ENG: variants seen among roughly 807,000 people sequenced by gnomAD.
The protein encoded by ENG is endoglin.
ENG carries 17 observed loss-of-function variants against 71.0 expected under a neutral mutation model. That is an observed-to-expected ratio of 0.24 (90% CI 0.16 to 0.36). The LOEUF (loss-of-function observed/expected upper bound fraction) is 0.36, where lower values mean the gene tolerates loss of function less well. Ranked by LOEUF, ENG falls within the 10% of genes least tolerant of loss-of-function variation. The pLI, the probability that ENG is intolerant of heterozygous loss-of-function variation, is 1.00. For missense variants in ENG, 749 were observed against 868.3 expected (o/e 0.86, Z 1.73); for synonymous variants, 360 against 366.9 (o/e 0.98, Z 0.21).
At chr9:127,819,782 G>A in intron 9 of ENG, 118 bp downstream of exon 9, 1 of 1,604,806 alleles carries the variant, frequency 6.2e-7, no homozygotes, top group Non-Finnish European at 8.5e-7. Context: ...CTTGTCTTGT[G>A]TTCTGAGCCC....
At position 127,819,437 on chromosome 9, in the gene ENG, A is replaced by C. The variant is rs772509899; in HGVS notation, c.1311+185T>G. ...AGTATGTGCTAAGCCCTCTGACTTG[A>C]GAGACCAAGAGCGTCACCCTCAGCA... On this transcript the variant is annotated intron_variant, in intron 10 of 14. Transcript: ENST00000373203. The C allele has an allele frequency of 8.0e-4, 589 of 738,262 alleles. 1 individual carries two copies. The highest frequency in any genetic ancestry group is 1.2e-3 in the Non-Finnish European group (544 of 442,586). 45.7% of individuals were successfully genotyped at this position (738,262 alleles called of 1,614,324 possible).
intron 2 of ENG, among the ~76,000 whole-genome samples, chr9:127,842,798 T>A (rs1298327047): frequency 3.3e-5 from 5 of 151,832 alleles, no homozygotes; most frequent in African/African-American, 4.9e-5. Flanking sequence ...GTCTCCATCA[T>A]TGGAGGTGCA....
intron 2 of ENG, among the ~76,000 whole-genome samples, chr9:127,833,688 A>G (rs1830825036): frequency 6.6e-6 from 1 of 152,200 alleles, no homozygotes; most frequent in East Asian, 1.9e-4. Flanking sequence ...CAAAGTTATG[A>G]AAAAGGGGAA....
rs956747655 is a variant in ENG at position 127,838,548 on chromosome 9, A to G, written c.219+4546T>C. ...GAGTGAGTCAGTGCTGGGGCCTGACAGGCTGTGTCTGTTCAGGGGTGGGTG... is the reference window on the plus strand; with the variant it reads ...GAGTGAGTCAGTGCTGGGGCCTGACGGGCTGTGTCTGTTCAGGGGTGGGTG... On this transcript the variant is annotated intron_variant, in intron 2 of 14. Coordinates refer to ENST00000373203, the MANE Select transcript of ENG (RefSeq NM_001114753.3). This position sits in a 1 kb window ranked among gnomAD's most constrained non-coding sequence, Gnocchi z 4.3. Among the ~76,000 whole-genome samples, 4 of 152,100 alleles carry G rather than the reference A, an allele frequency of 2.6e-5. No homozygotes were observed. The highest frequency in any genetic ancestry group is 6.5e-5 in the Admixed American group (1 of 15,276).
chr9:127,825,587 CT>C, intron 5 of ENG, 107 bp downstream of exon 5: 1 of 1,184,794 alleles, frequency 8.4e-7, no homozygotes, highest in Non-Finnish European at 1.1e-6. Flanking sequence ...GGGGCTGGGG[CT>C]GGGACTGGGG....
chr9:127,829,544 G>T, intron 3 of ENG, 143 bp downstream of exon 3: 1 of 1,170,348 alleles, frequency 8.5e-7, no homozygotes, highest in Non-Finnish European at 1.2e-6. Context: ...GCTTCACCAG[G>T]CAGGACCCTG....
intron 2 of ENG, among the ~76,000 whole-genome samples, chr9:127,841,654 C>CGCAAG (rs1554812114): frequency 6.6e-6 from 1 of 152,194 alleles, no homozygotes; most frequent in Non-Finnish European, 1.5e-5. Flanking sequence ...ACTGCACAAA[C>CGCAAG]GCAAGGCAAC....
In ENG at chr9:127,838,542, C is replaced by A. The variant is rs1342538619; in HGVS notation, c.219+4552G>T. ...GGTCAAGAGTGAGTCAGTGCTGGGG[C>A]CTGACAGGCTGTGTCTGTTCAGGGG... On this transcript the variant is annotated intron_variant, in intron 2 of 14. Coordinates refer to ENST00000373203, the MANE Select transcript of ENG (RefSeq NM_001114753.3). This position sits in a 1 kb window ranked among gnomAD's most constrained non-coding sequence, Gnocchi z 4.3. Among the ~76,000 whole-genome samples the A allele has an allele frequency of 1.3e-5, 2 of 152,176 alleles. No homozygotes were observed. The highest frequency in any genetic ancestry group is 2.9e-5 in the Non-Finnish European group (2 of 68,032).
At chr9:127,825,916 GC>G (rs1830605277) in intron 4 of ENG, 56 bp from the exon 5 acceptor site, 2 of 1,547,394 alleles carry the variant, frequency 1.3e-6, no homozygotes, top group African/African-American at 1.4e-5. Context: ...ACCTAACAGA[GC>G]CCCGCCCTCA....
In ENG at chr9:127,846,666, C is replaced by T. The variant is rs375187153; in HGVS notation, c.68-3421G>A. On this transcript the variant is annotated intron_variant, in intron 1 of 14. Transcript: ENST00000373203. The surrounding 1 kb of genome is among the most constrained non-coding windows in gnomAD (Gnocchi z 5.5). ...TTTCGAATCCTGGCCGCCCCCACCC[C>T]GCAGACGAGAATGGGGAGACAGGAG... 6.6e-6 allele frequency among the ~76,000 whole-genome samples: 1 copy of T among 152,188 alleles called. No individual in the cohort carries two copies. The highest frequency in any genetic ancestry group is 1.5e-5 in the Non-Finnish European group (1 of 68,034).
intron 3 of ENG, among the ~76,000 whole-genome samples, chr9:127,828,135 A>G (rs1347976583): frequency 6.6e-6 from 1 of 151,932 alleles, no homozygotes; most frequent in Non-Finnish European, 1.5e-5. Context: ...GGACTGCCAG[A>G]TGGCAACAGT....
intron 7 of ENG, 97 bp downstream of exon 7, chr9:127,824,703 T>C: frequency 1.5e-6 from 2 of 1,340,160 alleles, no homozygotes; most frequent in Non-Finnish European, 2.0e-6. Flanking sequence ...GAGGCTGATG[T>C]ACCTTGCCCA....
At chr9:127,835,969 T>C (rs773665271) in intron 2 of ENG, among the ~76,000 whole-genome samples, 3 of 152,082 alleles carry the variant, frequency 2.0e-5, no homozygotes, top group East Asian at 1.9e-4. Context: ...AAGTGAGTAG[T>C]TGGGAAACTC....
chr9:127,848,598 A>G (rs541117480), intron 1 of ENG, among the ~76,000 whole-genome samples: 1 of 152,238 alleles, frequency 6.6e-6, no homozygotes, highest in Admixed American at 6.5e-5. Flanking sequence ...GCAAACTTCT[A>G]TTCATCCTTC....
At chr9:127,849,362 TC>T (rs1831240524) in intron 1 of ENG, among the ~76,000 whole-genome samples, 1 of 152,212 alleles carries the variant, frequency 6.6e-6, no homozygotes, top group African/African-American at 2.4e-5. Context: ...AAGTGCTATT[TC>T]TTTGCGGCAC....
At chr9:127,845,440 C>T (rs937985850) in intron 1 of ENG, among the ~76,000 whole-genome samples, 6 of 152,354 alleles carry the variant, frequency 3.9e-5, no homozygotes, top group South Asian at 4.1e-4. Flanking sequence ...CCTTATATGT[C>T]GTCTCTCTGA....
At chr9:127,847,827 A>G (rs898123693) in intron 1 of ENG, among the ~76,000 whole-genome samples, 4 of 152,042 alleles carry the variant, frequency 2.6e-5, no homozygotes, top group Admixed American at 6.6e-5. Flanking sequence ...CAGGTTTCCC[A>G]GCATCCAGCC....
In ENG at chr9:127,843,274, A is replaced by G. The variant is rs752911615; in HGVS notation, c.68-29T>C. 1.5e-5 allele frequency: 25 copies of G among 1,613,900 alleles called. No homozygotes were observed. In the East Asian group the frequency reaches 5.6e-4, roughly 36 times the overall value. ...TTGGAGAAACATCCGGAAAGAGGCC[A>G]GGTGAGAATAAGGTGATGACAATGA... On this transcript the variant is annotated intron_variant, in intron 1 of 14. Transcript: ENST00000373203.
chr9:127,819,817 C>T, intron 9 of ENG, 83 bp downstream of exon 9: 2 of 1,612,884 alleles, frequency 1.2e-6, no homozygotes, highest in South Asian at 1.1e-5. Flanking sequence ...CCCAAACACA[C>T]CTCCACCCTG....
Sources: gnomAD v4.1 joint callset for allele counts (sites outside exome capture counted in the v4.1 genomes callset) on GRCh38, gnomAD v4.1.1 for gene constraint, Gnocchi (gnomAD v3.1) non-coding constraint, MANE v1.5 for transcripts, NCBI Gene and HGNC (gene_info 2026-07-23, HGNC 2026-07-21) for gene names.